The following NBEAL1 variants were observed in gnomAD, a reference collection of about 807,000 sequenced individuals.
The protein encoded by NBEAL1 is neurobeachin-like protein 1.
A neutral mutation model predicts 351.3 loss-of-function variants in NBEAL1; 273 were observed. The observed-to-expected ratio is 0.78, with a 90% CI of 0.70 to 0.86. The LOEUF (loss-of-function observed/expected upper bound fraction) is 0.86. Ranked by LOEUF, NBEAL1 falls within the 40% of genes least tolerant of loss-of-function variation. The pLI is 0.00. For missense variants in NBEAL1, 2,961 were observed against 3,201.3 expected, an observed-to-expected ratio of 0.92 and a Z score of 1.81; for synonymous variants, 1,050 against 1,086.4, an observed-to-expected ratio of 0.97 and a Z score of 0.66.
intron 44 of NBEAL1, among the ~76,000 whole-genome samples, chr2:203,184,549 G>A (rs2105751188): frequency 6.6e-6 from 1 of 152,224 alleles, no homozygotes; most frequent in African/African-American, 2.4e-5. Flanking sequence ...AGATGATATT[G>A]ATGGCTCCAC....
intron 31 of NBEAL1, among the ~76,000 whole-genome samples, chr2:203,140,801 G>A (rs1459764585): frequency 6.6e-6 from 1 of 152,014 alleles, no homozygotes; most frequent in African/African-American, 2.4e-5. Context: ...CTTTGGGAGG[G>A]CGAGGTGAGT....
At chr2:203,095,147 G>A (rs2062155319) in intron 10 of NBEAL1, among the ~76,000 whole-genome samples, 1 of 152,026 alleles carries the variant, frequency 6.6e-6, no homozygotes, top group Non-Finnish European at 1.5e-5. Flanking sequence ...GAAAAGCAAA[G>A]AAGAAAACTA....
chr2:203,206,114 G>A (rs1200435354), intron 51 of NBEAL1, among the ~76,000 whole-genome samples: 1 of 152,178 alleles, frequency 6.6e-6, no homozygotes, highest in African/African-American at 2.4e-5. Flanking sequence ...ATACAATTGT[G>A]TTATTAGGAA....
At chr2:203,024,252 A>G (rs2060818226) in intron 2 of NBEAL1, among the ~76,000 whole-genome samples, 2 of 151,980 alleles carry the variant, frequency 1.3e-5, no homozygotes, top group Middle Eastern at 3.4e-3. Flanking sequence ...CAAATTCAAC[A>G]TGGCAGTCAA....
At position 203,126,569 on chromosome 2, in the gene NBEAL1, T is replaced by G; in HGVS notation, c.2998T>G (p.Leu1000Val). The G allele has an allele frequency of 1.4e-6, 2 of 1,467,470 alleles. No homozygotes were observed. The highest frequency in any genetic ancestry group is 1.8e-6 in the Non-Finnish European group (2 of 1,110,358). The allele number at this position is 1,467,470 out of a possible 1,614,324, so 90.9% of individuals were successfully genotyped here. A position where few individuals can be genotyped will look rare whatever the true frequency, so the allele number is the denominator to read the frequency against. Residue 1000 changes from leucine to valine, a missense_variant, in exon 22 of 56, where the codon TTG (leucine) becomes GTG (valine). By Grantham distance (32) the Leu-to-Val change is conservative (BLOSUM62 1). Transcript: ENST00000683969. ...GALLQKVPST[L>V]MDVNVLMAVQ... ...TGTTTGGTTTCAGGTGCCAAGCACC[T>G]TGATGGATGTTAATGTGTTGATGGC... is the stretch of plus-strand genomic sequence containing the variant.
intron 6 of NBEAL1, among the ~76,000 whole-genome samples, chr2:203,060,025 C>T (rs547156133): frequency 1.8e-4 from 27 of 152,282 alleles, no homozygotes; most frequent in African/African-American, 5.3e-4. Context: ...CTCTATCCTC[C>T]GCCTTAGACT....
intron 35 of NBEAL1, among the ~76,000 whole-genome samples, chr2:203,157,332 A>G (rs2063821786): frequency 6.6e-6 from 1 of 152,172 alleles, no homozygotes; most frequent in African/African-American, 2.4e-5. Flanking sequence ...GTACAAATGC[A>G]CAGTAAAAAT....
chr2:203,085,911 A>G (rs1222256250), intron 10 of NBEAL1: 1 of 152,218 alleles, frequency 6.6e-6, no homozygotes, highest in African/African-American at 2.4e-5. Flanking sequence ...ATCAAGCTGA[A>G]TAATATCAAT....
intron 14 of NBEAL1, among the ~76,000 whole-genome samples, chr2:203,109,781 A>G (rs1319668940): frequency 6.6e-6 from 1 of 152,220 alleles, no homozygotes. Context: ...CGGCCTGCTA[A>G]AGTGCTAGGA....
At position 203,040,159 on chromosome 2, in the gene NBEAL1, A is replaced by T. The variant is rs898324818; in HGVS notation, c.52-1606A>T. On this transcript the variant is annotated intron_variant, in intron 2 of 55. Transcript: ENST00000683969. The stretch of plus-strand genomic sequence containing the variant: ...CCATTTGGTTCCAGAAAATCTCCTG[A>T]AAAAGAGGAAGGCTTATCAAGCCCT... The T allele has an allele frequency of 2.9e-5, 44 of 1,502,900 alleles. No homozygotes were observed. In the African/African-American group the frequency reaches 5.8e-4, roughly 20 times the overall value. The allele number at this position is 1,502,900 out of a possible 1,614,324, so 93.1% of individuals were successfully genotyped here. A position where few individuals can be genotyped will look rare whatever the true frequency, so the allele number is the denominator to read the frequency against.
At chr2:203,109,038 T>TCA (rs2062503268) in intron 14 of NBEAL1, among the ~76,000 whole-genome samples, 1 of 152,100 alleles carries the variant, frequency 6.6e-6, no homozygotes, top group African/African-American at 2.4e-5. Flanking sequence ...CAAGATTGTC[T>TCA]CACACACACA....
intron 55 of NBEAL1, among the ~76,000 whole-genome samples, chr2:203,216,953 G>A (rs558532837): frequency 2.2e-4 from 33 of 152,180 alleles, no homozygotes; most frequent in East Asian, 9.7e-4. Flanking sequence ...ACAGGCGTGC[G>A]CCACCATGTT....
intron 5 of NBEAL1, 59 bp downstream of exon 5, chr2:203,056,567 G>A: frequency 1.1e-6 from 1 of 936,420 alleles, no homozygotes; most frequent in Non-Finnish European, 1.7e-6. Flanking sequence ...TTTACTTTTT[G>A]TTTGTTTGTT....
chr2:203,027,770 A>G (rs2060882798), intron 2 of NBEAL1, among the ~76,000 whole-genome samples: 2 of 152,148 alleles, frequency 1.3e-5, no homozygotes, highest in Admixed American at 1.3e-4. Context: ...GTACAGTGGC[A>G]TAATCGTAGT....
At chr2:203,064,354 T>C (rs958756578) in intron 6 of NBEAL1, among the ~76,000 whole-genome samples, 1 of 152,044 alleles carries the variant, frequency 6.6e-6, no homozygotes. Context: ...CGCCCGGCCA[T>C]GTGTATGGTT....
In NBEAL1 at chr2:203,089,995, ATCTT is replaced by A. The variant is rs1474745461; in HGVS notation, c.1098+5432_1098+5435del. 3.9e-5 allele frequency among the ~76,000 whole-genome samples: 6 copies of A among 152,170 alleles called. No individual in the cohort carries two copies. The South Asian group carries it at 6.2e-4, about 16-fold the overall frequency. On this transcript the variant is annotated intron_variant, in intron 10 of 55. Transcript: ENST00000683969. ...TGTTTTAAAGTCAAATTTCAGAAAA[ATCTT>A]TCTTTAACAATGAACATATCTTGCG... is the stretch of plus-strand genomic sequence containing the variant.
At chr2:203,201,880 C>T (rs1404887139) in intron 50 of NBEAL1, among the ~76,000 whole-genome samples, 165 bp downstream of exon 50, 1 of 151,524 alleles carries the variant, frequency 6.6e-6, no homozygotes, top group African/African-American at 2.4e-5. Flanking sequence ...AGGAGTGTCT[C>T]ATGTATTTTG....
At chr2:203,192,418 C>T (rs1353901140) in intron 46 of NBEAL1, among the ~76,000 whole-genome samples, 2 of 149,852 alleles carry the variant, frequency 1.3e-5, no homozygotes, top group African/African-American at 2.5e-5. Context: ...GAGTTTTGCC[C>T]TTGTTGCCCA....
intron 2 of NBEAL1, among the ~76,000 whole-genome samples, chr2:203,020,178 C>T (rs2060744915): frequency 6.6e-6 from 1 of 152,128 alleles, no homozygotes; most frequent in Non-Finnish European, 1.5e-5. Flanking sequence ...GGTTTCTTAC[C>T]AAACTTTTCA....
Sources: allele counts gnomAD v4.1 joint callset (sites outside exome capture counted in the v4.1 genomes callset), GRCh38; gene constraint gnomAD v4.1.1; transcripts MANE v1.5; gene names NCBI Gene and HGNC (gene_info 2026-07-23, HGNC 2026-07-21).